Variants in MRPL13 observed in about 807,000 individuals in gnomAD.
MRPL13 encodes large ribosomal subunit protein uL13m.
A neutral mutation model predicts 29.0 loss-of-function variants in MRPL13; 33 were observed. That is an observed-to-expected ratio of 1.14 (90% confidence interval 0.86 to 1.52). The LOEUF (loss-of-function observed/expected upper bound fraction) is 1.52, where lower values mean the gene tolerates loss of function less well. MRPL13 is among the 40% of genes most tolerant of loss of function. The pLI is 0.00. For missense variants in MRPL13, 227 were observed against 216.7 expected (o/e 1.05, Z -0.30); for synonymous variants, 77 against 68.4 (o/e 1.13, Z -0.62).
At chr8:120,414,613 T>G (rs1312152898) in intron 5 of MRPL13, 1 of 152,258 alleles carries the variant, frequency 6.6e-6, no homozygotes, top group Non-Finnish European at 1.5e-5. Flanking sequence ...AGGCTTATAA[T>G]TTTTAAAAAG....
chr8:120,430,646 T>C (rs1812987224), intron 3 of MRPL13, among the ~76,000 whole-genome samples: 1 of 152,082 alleles, frequency 6.6e-6, no homozygotes, highest in Admixed American at 6.6e-5. Context: ...GAACAACACA[T>C]GCAAAGGCAG....
chr8:120,443,257 G>C lies in MRPL13; in HGVS notation c.79C>G (p.Pro27Ala). 6.2e-7 allele frequency: 1 copy of C among 1,609,258 alleles called. No homozygotes were observed. The highest frequency in any genetic ancestry group is 8.5e-7 in the Non-Finnish European group (1 of 1,177,770). The stretch of plus-strand genomic sequence containing the variant: ...GCCATAGCAGCAAGTTTGCCAGGTG[G>C]CTGCATTTTCCCATCTAAGAGATAC... ...IWYLLDGKMQ[P>A]PGKLAAMASI... The change falls in exon 2 of 7, where the codon CCA becomes GCA. Residue 27 changes from proline to alanine, a missense_variant. Physicochemically the swap from Pro to Ala is conservative, Grantham distance 27. Coordinates refer to ENST00000306185, the MANE Select transcript of MRPL13 (RefSeq NM_014078.6).
Position 120,434,063 on chromosome 8 carries a change from T to G in MRPL13, c.152-1940A>C, listed in dbSNP as rs141249563. Among the ~76,000 whole-genome samples the G allele has an allele frequency of 2.0e-5, 3 of 152,216 alleles. No homozygotes were observed. The East Asian group carries it at 5.8e-4, about 29-fold the overall frequency. On this transcript the variant is annotated intron_variant, in intron 2 of 6. Transcript: ENST00000306185. ...TTTATCTGACTCCTCAGTATAATAC[T>G]AGGTGCTCAATTAAATGGCCAAATA...
At chr8:120,440,606 CTCAAAA>C (rs1813108493) in intron 2 of MRPL13, among the ~76,000 whole-genome samples, 1 of 58,938 alleles carries the variant, frequency 1.7e-5, no homozygotes, top group Non-Finnish European at 3.1e-5. Flanking sequence ...CTCTCTCTCT[CTCAAAA>C]AAAAAAAAAA....
At chr8:120,440,877 A>G (rs1813115622) in intron 2 of MRPL13, among the ~76,000 whole-genome samples, 1 of 152,112 alleles carries the variant, frequency 6.6e-6, no homozygotes, top group Non-Finnish European at 1.5e-5. Context: ...AGAAGAAAAC[A>G]GATCACAGTG....
chr8:120,444,116 C>T (rs978556615), intron 1 of MRPL13, among the ~76,000 whole-genome samples: 3 of 151,906 alleles, frequency 2.0e-5, no homozygotes, highest in African/African-American at 7.3e-5. Flanking sequence ...GTTTTTGTCC[C>T]CATCCATTGT....
intron 4 of MRPL13, among the ~76,000 whole-genome samples, chr8:120,422,710 T>G (rs1424479407): frequency 6.6e-6 from 1 of 150,434 alleles, no homozygotes; most frequent in East Asian, 1.9e-4. Flanking sequence ...TTTTTTAAAG[T>G]ATGAAACAAA....
intron 6 of MRPL13, among the ~76,000 whole-genome samples, chr8:120,404,398 C>T (rs776446844): frequency 7.9e-5 from 12 of 152,194 alleles, no homozygotes; most frequent in Non-Finnish European, 1.6e-4. Context: ...TAATCCACCA[C>T]ATAAAGGAAT....
At chr8:120,413,233 T>C (rs1812760659) in intron 6 of MRPL13, among the ~76,000 whole-genome samples, 1 of 152,252 alleles carries the variant, frequency 6.6e-6, no homozygotes, top group African/African-American at 2.4e-5. Context: ...GCTGAGTGTC[T>C]ATTTAATTTG....
chr8:120,399,216 A>G (rs1036885911), intron 6 of MRPL13, among the ~76,000 whole-genome samples: 2 of 152,160 alleles, frequency 1.3e-5, no homozygotes, highest in Non-Finnish European at 2.9e-5. Flanking sequence ...GGTCAAAATA[A>G]AAGAAAAAAT....
chr8:120,419,571 G>A (rs945379163), intron 5 of MRPL13: 2 of 193,704 alleles, frequency 1.0e-5, no homozygotes, highest in South Asian at 1.5e-4. Flanking sequence ...CAATTTAACA[G>A]GGTTTCTGAT....
intron 6 of MRPL13, among the ~76,000 whole-genome samples, chr8:120,400,355 A>G (rs1812576994): frequency 6.6e-6 from 1 of 152,214 alleles, no homozygotes; most frequent in African/African-American, 2.4e-5. Flanking sequence ...TGGAAACCGA[A>G]CAATCTGCTC....
chr8:120,424,209 A>C (rs1812905859), intron 4 of MRPL13, among the ~76,000 whole-genome samples: 1 of 152,200 alleles, frequency 6.6e-6, no homozygotes, highest in African/African-American at 2.4e-5. Context: ...ATTGGAGATT[A>C]AGAGGATCAG....
intron 2 of MRPL13, among the ~76,000 whole-genome samples, chr8:120,434,934 T>C (rs1242265872): frequency 2.0e-5 from 3 of 152,192 alleles, no homozygotes; most frequent in Non-Finnish European, 2.9e-5. Context: ...CTCTTAATTA[T>C]AGATCCCTCA....
chr8:120,438,198 C>T (rs12546191), intron 2 of MRPL13, among the ~76,000 whole-genome samples: 84,849 of 151,778 alleles, frequency 0.56, 25,720 homozygotes, highest in Non-Finnish European at 0.67. Context: ...CATGTCTCTA[C>T]GAAAACTACA....
intron 6 of MRPL13, among the ~76,000 whole-genome samples, chr8:120,400,738 A>G (rs1812584554): frequency 1.1e-5 from 1 of 93,196 alleles, no homozygotes; most frequent in Admixed American, 9.0e-5. Context: ...ATAAATAAAT[A>G]AATAAAAAAA....
chr8:120,434,132 G>T (rs956169622), intron 2 of MRPL13, among the ~76,000 whole-genome samples: 1 of 152,010 alleles, frequency 6.6e-6, no homozygotes, highest in Non-Finnish European at 1.5e-5. Context: ...ACAGCTTCAT[G>T]TCAGGAAACC....
At chr8:120,418,512 T>A (rs1049566337) in intron 5 of MRPL13, among the ~76,000 whole-genome samples, 8 of 152,046 alleles carry the variant, frequency 5.3e-5, no homozygotes, top group African/African-American at 1.9e-4. Context: ...GTTTCCCCCA[T>A]CGGCTTGATA....
chr8:120,435,896 C>T (rs914530518), intron 2 of MRPL13, among the ~76,000 whole-genome samples: 2 of 152,072 alleles, frequency 1.3e-5, no homozygotes, highest in African/African-American at 4.8e-5. Context: ...GGCATCTTTT[C>T]ATTTGCTTGT....
Sources: gnomAD v4.1 joint callset for allele counts (sites outside exome capture counted in the v4.1 genomes callset) on GRCh38, gnomAD v4.1.1 for gene constraint, MANE v1.5 for transcripts, NCBI Gene and HGNC (gene_info 2026-07-23, HGNC 2026-07-21) for gene names.